The following DEK variants were observed in gnomAD, a reference collection of about 807,000 sequenced individuals.
DEK encodes DEK proto-oncogene, also known as protein DEK.
A neutral mutation model predicts 46.8 loss-of-function variants in DEK; 28 were observed. The ratio of observed to expected loss-of-function variants is 0.60; its 90% CI spans 0.44 to 0.82. DEK has a LOEUF of 0.82. Ranked by LOEUF, DEK falls within the 40% of genes least tolerant of loss-of-function variation. The probability of loss-of-function intolerance (pLI) is 0.00; values close to 1 mark genes in which losing one functional copy is unlikely to be tolerated. For synonymous variants in DEK, 160 were observed against 144.5 expected (o/e 1.11, Z -0.77); for missense variants, 416 against 430.6 (o/e 0.97, Z 0.30).
At chr6:18,242,150 C>A (rs1355496770) in intron 7 of DEK, among the ~76,000 whole-genome samples, 1 of 152,162 alleles carries the variant, frequency 6.6e-6, no homozygotes, top group African/African-American at 2.4e-5. Flanking sequence ...AATCCCAGCA[C>A]TTTGGGAGGC....
At chr6:18,242,792 A>T (rs918937282) in intron 7 of DEK, among the ~76,000 whole-genome samples, 3 of 152,188 alleles carry the variant, frequency 2.0e-5, no homozygotes, top group Non-Finnish European at 2.9e-5. Flanking sequence ...CTTTTAAGTG[A>T]AAGCTCTTTA....
At chr6:18,258,088 A>G (rs756667330) in intron 3 of DEK, 26 bp from the exon 4 acceptor site, 19 of 1,474,546 alleles carry the variant, frequency 1.3e-5, no homozygotes, top group Non-Finnish European at 1.8e-5. Flanking sequence ...AATCACAATT[A>G]AATACCTATG....
intron 9 of DEK, among the ~76,000 whole-genome samples, chr6:18,232,599 T>C (rs192083707): frequency 1.1e-3 from 170 of 152,216 alleles, no homozygotes; most frequent in African/African-American, 3.8e-3. Flanking sequence ...ATGAGTGAAT[T>C]CCCATTCACA....
chr6:18,256,729 T>C (rs951566126), intron 4 of DEK, among the ~76,000 whole-genome samples: 2 of 152,086 alleles, frequency 1.3e-5, no homozygotes, highest in East Asian at 1.9e-4. Context: ...CACTGGGGAG[T>C]TTTTACCACA....
rs58941276 is a variant in DEK at position 18,239,338 on chromosome 6, C to CTTTTTT, written c.763-1828_763-1823dup. Among the ~76,000 whole-genome samples the CTTTTTT allele has an allele frequency of 1.5e-4, 12 of 78,288 alleles. 1 individual carries two copies. The highest frequency in any genetic ancestry group is 5.4e-4 in the African/African-American group (9 of 16,720). 51.4% of individuals were successfully genotyped at this position (78,288 alleles called of 152,430 possible). A position where few individuals can be genotyped will look rare whatever the true frequency, so the allele number is the denominator to read the frequency against. On this transcript the variant is annotated intron_variant, in intron 7 of 10. Coordinates refer to ENST00000652689, the MANE Select transcript of DEK (RefSeq NM_003472.4). ...CAAGCTATTCATTGGATTTTAGTGT[C>CTTTTTT]TTTTTTTTTTTTTTTTTTTTTTTAA... is the stretch of plus-strand genomic sequence containing the variant.
At chr6:18,257,877 G>T in intron 4 of DEK, 76 bp downstream of exon 4, 2 of 1,040,692 alleles carry the variant, frequency 1.9e-6, no homozygotes, top group Non-Finnish European at 2.8e-6. Flanking sequence ...TGAACTAGTG[G>T]ATCACTAACA....
intron 7 of DEK, among the ~76,000 whole-genome samples, chr6:18,240,258 A>G (rs1240005439): frequency 1.2e-4 from 18 of 152,226 alleles, no homozygotes; most frequent in Admixed American, 1.1e-3. Context: ...TCTACATTTC[A>G]TATCTGCTGT....
intron 2 of DEK, among the ~76,000 whole-genome samples, chr6:18,261,515 T>C (rs890229694): frequency 6.6e-6 from 1 of 152,012 alleles, no homozygotes; most frequent in Non-Finnish European, 1.5e-5. Flanking sequence ...AGGTTGCGGT[T>C]AGCCGAGGTC....
intron 1 of DEK, 120 bp from the exon 2 acceptor site, chr6:18,264,116 C>T (rs1463521538): frequency 3.3e-6 from 3 of 906,054 alleles, no homozygotes; most frequent in East Asian, 6.1e-5. Flanking sequence ...TTGCCTCCTC[C>T]CATAGCCGGG....
At chr6:18,248,002 T>C (rs534721848) in intron 7 of DEK, among the ~76,000 whole-genome samples, 107 of 152,272 alleles carry the variant, frequency 7.0e-4, no homozygotes, top group Middle Eastern at 3.4e-3. Context: ...CACCTAGTAA[T>C]GACAAGAAGA....
chr6:18,240,224 T>A (rs1790842834), intron 7 of DEK, among the ~76,000 whole-genome samples: 1 of 152,230 alleles, frequency 6.6e-6, no homozygotes, highest in Non-Finnish European at 1.5e-5. Flanking sequence ...AAAATCTTAC[T>A]TCTGTATAAC....
At chr6:18,249,535 A>G (rs1032139397) in intron 7 of DEK, 116 bp downstream of exon 7, 2 of 1,374,076 alleles carry the variant, frequency 1.5e-6, no homozygotes, top group African/African-American at 3.0e-5. Flanking sequence ...TCATTTCTGC[A>G]TCTTCAGAAT....
Position 18,255,867 on chromosome 6 carries a change from G to A in DEK, c.453-16C>T. The stretch of plus-strand genomic sequence containing the variant: ...ATTTCTAAATCTGAAACAGAAAATG[G>A]AAGAAACCAAGGTGTTAATATAGGA... On this transcript the variant is annotated splice_polypyrimidine_tract_variant and intron_variant, in intron 5 of 10. Coordinates refer to ENST00000652689, the MANE Select transcript of DEK (RefSeq NM_003472.4). The A allele has an allele frequency of 6.3e-7, 1 of 1,592,358 alleles. No homozygotes were observed. The highest frequency in any genetic ancestry group is 2.2e-5 in the East Asian group (1 of 44,666).
In DEK at chr6:18,225,716, A is replaced by G; in HGVS notation, c.*3T>C. ...GAACGAGTCATCTTCTCTGTCCTCT[A>G]TCTCAAGAAATTAGCTGTAATGAAA... On this transcript the variant is annotated 3_prime_UTR_variant, in exon 11 of 11. Transcript: ENST00000652689. 1 of 1,613,422 alleles carries G rather than the reference A, an allele frequency of 6.2e-7. No homozygotes were observed. The highest frequency in any genetic ancestry group is 8.5e-7 in the Non-Finnish European group (1 of 1,179,608).
At chr6:18,250,989 AATCAATTAAACCAT>A (rs2151089851) in intron 6 of DEK, among the ~76,000 whole-genome samples, 1 of 152,324 alleles carries the variant, frequency 6.6e-6, no homozygotes, top group African/African-American at 2.4e-5. Flanking sequence ...TTATTCTGAT[AATCAATTAAACCAT>A]GTATATTAAA....
At chr6:18,233,491 A>T (rs1158642800) in intron 9 of DEK, among the ~76,000 whole-genome samples, 1 of 152,206 alleles carries the variant, frequency 6.6e-6, no homozygotes, top group Non-Finnish European at 1.5e-5. Context: ...CAAAGAACTT[A>T]AATTTACAAG....
chr6:18,252,717 C>A (rs1791441314), intron 6 of DEK, among the ~76,000 whole-genome samples: 1 of 152,074 alleles, frequency 6.6e-6, no homozygotes, highest in African/African-American at 2.4e-5. Flanking sequence ...AAACTATTTT[C>A]ATAATAATAG....
intron 7 of DEK, among the ~76,000 whole-genome samples, chr6:18,246,004 GCCTTCC>G (rs1323789325): frequency 5.5e-4 from 83 of 152,212 alleles, no homozygotes; most frequent in African/African-American, 1.9e-3. Context: ...CTCCTCATTC[GCCTTCC>G]ACCATGATTG....
chr6:18,251,818 G>C (rs1407950038), intron 6 of DEK, among the ~76,000 whole-genome samples: 3 of 152,048 alleles, frequency 2.0e-5, no homozygotes, highest in Non-Finnish European at 2.9e-5. Context: ...CAGGTAGCAA[G>C]GATGTAATCT....
Sources: allele counts gnomAD v4.1 joint callset (sites outside exome capture counted in the v4.1 genomes callset), GRCh38; gene constraint gnomAD v4.1.1; transcripts MANE v1.5; gene names NCBI Gene and HGNC (gene_info 2026-07-23, HGNC 2026-07-21).